CHN2: variants seen among roughly 807,000 people sequenced by gnomAD.
The protein encoded by CHN2 is chimerin 2.
CHN2 carries 35 observed loss-of-function variants against 56.3 expected under a neutral mutation model. That is an observed-to-expected ratio of 0.62 (90% confidence interval 0.47 to 0.82). The LOEUF (loss-of-function observed/expected upper bound fraction) is 0.82, where lower values mean the gene tolerates loss of function less well. Among genes scored for constraint, CHN2 ranks in the 40% least tolerant of loss-of-function variants. The probability of loss-of-function intolerance (pLI) is 0.00; values close to 1 mark genes in which losing one functional copy is unlikely to be tolerated. For missense variants in CHN2, 491 were observed against 580.5 expected (o/e 0.85, Z 1.58); for synonymous variants, 210 against 212.8 (o/e 0.99, Z 0.12).
At chr7:29,180,478 G>A (rs937553758) in intron 2 of CHN2, among the ~76,000 whole-genome samples, 1 of 151,852 alleles carries the variant, frequency 6.6e-6, no homozygotes, top group South Asian at 2.1e-4. Flanking sequence ...AGTGAGCCGA[G>A]ATCGCGCCAC....
intron 1 of CHN2, among the ~76,000 whole-genome samples, chr7:29,211,068 T>TGTTGTTG (rs1554363855): frequency 6.8e-6 from 1 of 147,428 alleles, no homozygotes; most frequent in South Asian, 2.2e-4. Context: ...TGTTTTTTTT[T>TGTTGTTG]TTGTTGTTGT....
At position 29,415,247 on chromosome 7, in the gene CHN2, A is replaced by G. The variant is rs560704638; in HGVS notation, c.576+14419A>G. Among the ~76,000 whole-genome samples, 113 of 152,310 alleles carry G rather than the reference A, an allele frequency of 7.4e-4. 2 individuals are homozygous for G. In the South Asian group the frequency reaches 0.023, roughly 31 times the overall value. On this transcript the variant is annotated intron_variant, in intron 6 of 12. Coordinates refer to ENST00000222792, the MANE Select transcript of CHN2 (RefSeq NM_004067.4). ...GCCTGGACTTGCTAAGGCACAGAAC[A>G]TAAACACGGAGCGACAGGGGCCACC...
chr7:29,350,228 T>C (rs1345196670), intron 1 of CHN2, among the ~76,000 whole-genome samples: 1 of 152,124 alleles, frequency 6.6e-6, no homozygotes, highest in Non-Finnish European at 1.5e-5. Flanking sequence ...ACTTAATCAT[T>C]CTGCATTTCA....
intron 8 of CHN2, among the ~76,000 whole-genome samples, chr7:29,498,433 A>G (rs548900944): frequency 9.8e-5 from 15 of 152,336 alleles, no homozygotes; most frequent in African/African-American, 3.6e-4. Context: ...ATGTTGATAA[A>G]GATTAATTAG....
At chr7:29,345,608 G>A (rs1283051236) in intron 1 of CHN2, among the ~76,000 whole-genome samples, 2 of 152,124 alleles carry the variant, frequency 1.3e-5, no homozygotes, top group Non-Finnish European at 2.9e-5. Flanking sequence ...AGACAAATGC[G>A]ATGACCAGGG....
chr7:29,266,740 G>C (rs1031623784), intron 1 of CHN2, among the ~76,000 whole-genome samples: 6 of 152,196 alleles, frequency 3.9e-5, no homozygotes, highest in Non-Finnish European at 5.9e-5. Flanking sequence ...TCTTTCCACT[G>C]TAGTGCATTT....
intron 3 of CHN2, among the ~76,000 whole-genome samples, chr7:29,379,502 T>G (rs1214813159): frequency 1.3e-5 from 2 of 152,186 alleles, no homozygotes; most frequent in Non-Finnish European, 2.9e-5. Flanking sequence ...AGTCTATTTT[T>G]TAAAAGTTGG....
intron 6 of CHN2, among the ~76,000 whole-genome samples, chr7:29,414,411 A>G (rs1209880430): frequency 6.6e-6 from 1 of 152,214 alleles, no homozygotes; most frequent in Non-Finnish European, 1.5e-5. Flanking sequence ...TATTGACCAC[A>G]TACCACGTGC....
chr7:29,438,542 A>G (rs892528892), intron 6 of CHN2, among the ~76,000 whole-genome samples: 7 of 152,234 alleles, frequency 4.6e-5, no homozygotes, highest in African/African-American at 1.4e-4. Flanking sequence ...CAACTCTGCA[A>G]TGAACATCCT....
chr7:29,419,524 C>T (rs1263578042), intron 6 of CHN2, among the ~76,000 whole-genome samples: 1 of 151,948 alleles, frequency 6.6e-6, no homozygotes, highest in East Asian at 1.9e-4. Context: ...TCAAAGGATG[C>T]AATCAACAAA....
At position 29,292,887 on chromosome 7, in the gene CHN2, C is replaced by A. The variant is rs1226465892; in HGVS notation, c.50-61738C>A. ...ATATATCTGTCACGGATTACAATAACCTCTTAACTGGCTGTTTCCACTCTT... is the reference window on the plus strand; with the variant it reads ...ATATATCTGTCACGGATTACAATAAACTCTTAACTGGCTGTTTCCACTCTT... On this transcript the variant is annotated intron_variant, in intron 1 of 12. Coordinates refer to ENST00000222792, the MANE Select transcript of CHN2 (RefSeq NM_004067.4). 6.6e-6 allele frequency: 3 copies of A among 456,286 alleles called. No homozygotes were observed. The Admixed American group carries it at 7.0e-5, about 11-fold the overall frequency. The allele number at this position is 456,286 out of a possible 1,614,324, so 28.3% of individuals were successfully genotyped here.
rs369506506 is a variant in CHN2 at position 29,312,965 on chromosome 7, A to G, written c.50-41660A>G. On this transcript the variant is annotated intron_variant, in intron 1 of 12. Transcript: ENST00000222792. ...GACCCTACATTGAATTCTGATGGCT[A>G]TGGTGTGACCATAGGAAGCCTCTGC... 5.3e-5 allele frequency among the ~76,000 whole-genome samples: 8 copies of G among 152,138 alleles called. 2 individuals are homozygous for G. The highest frequency in any genetic ancestry group is 4.1e-4 in the South Asian group (2 of 4,828).
In CHN2 at chr7:29,194,980, G is replaced by T. The variant is rs760123762; in HGVS notation, c.39G>T (p.Ser13=). 3 of 1,586,078 alleles carry T rather than the reference G, an allele frequency of 1.9e-6. No individual in the cohort carries two copies. Among genetic ancestry groups the T allele is most frequent in the East Asian group, 4.8e-5 (2 of 41,674 alleles). ...ASSNSSLSGS[S]VSSDAEEYQP... is the part of the protein sequence containing the mutation. The stretch of plus-strand genomic sequence containing the variant: ...GCAACTCCAGCCTGTCCGGCTCGTC[G>T]GTGTCCTCCGGTGAGTTTCAGCCCG... The change falls in exon 1 of 13, where the codon TCG becomes TCT. Residue 13 remains serine, a synonymous_variant. Transcript: ENST00000222792.
At chr7:29,473,605 C>T (rs1179448297) in intron 6 of CHN2, among the ~76,000 whole-genome samples, 1 of 151,710 alleles carries the variant, frequency 6.6e-6, no homozygotes, top group African/African-American at 2.4e-5. Flanking sequence ...TCACCATCAC[C>T]TGTGTACCGA....
chr7:29,511,032 G>A (rs1396806799), intron 12 of CHN2, among the ~76,000 whole-genome samples: 2 of 152,146 alleles, frequency 1.3e-5, no homozygotes, highest in African/African-American at 2.4e-5. Flanking sequence ...ACATCTGTGT[G>A]CCTCTGTGTT....
At chr7:29,335,547 G>A (rs199872745) in intron 1 of CHN2, among the ~76,000 whole-genome samples, 1 of 152,186 alleles carries the variant, frequency 6.6e-6, no homozygotes, top group African/African-American at 2.4e-5. Context: ...TGTTTTCTTT[G>A]CTTTTTCCTT....
At chr7:29,464,877 C>T (rs2128140513) in intron 6 of CHN2, among the ~76,000 whole-genome samples, 1 of 152,274 alleles carries the variant, frequency 6.6e-6, no homozygotes, top group East Asian at 1.9e-4. Context: ...ACAGGCTGCC[C>T]TGCTGTTGTT....
chr7:29,422,442 G>A lies in CHN2; in HGVS notation c.576+21614G>A, dbSNP rs936864230. 2.0e-5 allele frequency among the ~76,000 whole-genome samples: 3 copies of A among 152,182 alleles called. 1 individual carries two copies. Among genetic ancestry groups the A allele is most frequent in the Non-Finnish European group, 4.4e-5 (3 of 68,032 alleles). ...TCTCTGACTGTGATGTTTCCTGCAT[G>A]ATCAAGGTCAAATTTTAAAGTCATT... is the stretch of plus-strand genomic sequence containing the variant. On this transcript the variant is annotated intron_variant, in intron 6 of 12. Coordinates refer to ENST00000222792, the MANE Select transcript of CHN2 (RefSeq NM_004067.4).
chr7:29,210,727 G>A (rs922949870), intron 1 of CHN2, among the ~76,000 whole-genome samples: 5 of 152,112 alleles, frequency 3.3e-5, no homozygotes, highest in Non-Finnish European at 5.9e-5. Flanking sequence ...GGGTAAGGGG[G>A]TCTGAGTGTT....
Sources: gnomAD v4.1 joint callset for allele counts (sites outside exome capture counted in the v4.1 genomes callset) on GRCh38, gnomAD v4.1.1 for gene constraint, MANE v1.5 for transcripts, NCBI Gene and HGNC (gene_info 2026-07-23, HGNC 2026-07-21) for gene names.